MAN1A2: variants seen among roughly 807,000 people sequenced by gnomAD.
The protein encoded by MAN1A2 is mannosidase alpha class 1A member 2, also known as mannosyl-oligosaccharide 1,2-alpha-mannosidase IB.
MAN1A2 carries 26 observed loss-of-function variants against 75.7 expected under a neutral mutation model. That is an observed-to-expected ratio of 0.34 (90% CI 0.25 to 0.48). MAN1A2 has a LOEUF of 0.48. Among genes scored for constraint, MAN1A2 ranks in the 20% least tolerant of loss-of-function variants. MAN1A2 has a pLI of 0.99. For missense variants in MAN1A2, 562 were observed against 775.5 expected, an observed-to-expected ratio of 0.72 and a Z score of 3.27; for synonymous variants, 247 against 264.6, an observed-to-expected ratio of 0.93 and a Z score of 0.65.
At chr1:117,414,093 A>G (rs981163175) in intron 3 of MAN1A2, among the ~76,000 whole-genome samples, 2 of 151,746 alleles carry the variant, frequency 1.3e-5, no homozygotes, top group Non-Finnish European at 2.9e-5. Flanking sequence ...CTTTCTTAAA[A>G]GTGGATACAT....
intron 8 of MAN1A2, among the ~76,000 whole-genome samples, chr1:117,478,624 T>G (rs919950144): frequency 6.6e-6 from 1 of 152,000 alleles, no homozygotes; most frequent in Non-Finnish European, 1.5e-5. Context: ...TTATTTTTTT[T>G]ACATATAAAT....
Position 117,414,707 on chromosome 1 carries a change from A to G in MAN1A2, c.656-6A>G, listed in dbSNP as rs1207056763. ...TTAATGATAATTTTTTTCTTCCCAA[A>G]TATAGGAAGTTCACAAATGGGTGCT... On this transcript the variant is annotated splice_polypyrimidine_tract_variant and splice_region_variant and intron_variant, in intron 3 of 12. Transcript: ENST00000356554. 1 of 1,488,654 alleles carries G rather than the reference A, an allele frequency of 6.7e-7. No individual in the cohort carries two copies. The highest frequency in any genetic ancestry group is 9.4e-7 in the Non-Finnish European group (1 of 1,067,666). The allele number at this position is 1,488,654 out of a possible 1,614,324, so 92.2% of individuals were successfully genotyped here. A position where few individuals can be genotyped will look rare whatever the true frequency, so the allele number is the denominator to read the frequency against.
chr1:117,447,530 C>G (rs573911058), intron 6 of MAN1A2, among the ~76,000 whole-genome samples: 16 of 152,034 alleles, frequency 1.1e-4, no homozygotes, highest in Admixed American at 4.6e-4. Flanking sequence ...TTGATAGGTA[C>G]TGTCTTCTAG....
intron 6 of MAN1A2, among the ~76,000 whole-genome samples, chr1:117,456,685 A>T (rs1034454613): frequency 6.6e-6 from 1 of 152,026 alleles, no homozygotes; most frequent in South Asian, 2.1e-4. Context: ...TAAAATGTTT[A>T]AATATTTCAG....
At chr1:117,463,809 C>A (rs773992516) in intron 7 of MAN1A2, among the ~76,000 whole-genome samples, 1 of 151,212 alleles carries the variant, frequency 6.6e-6, no homozygotes, top group Non-Finnish European at 1.5e-5. Context: ...TAAAGTGATA[C>A]AAAAATATTG....
intron 1 of MAN1A2, among the ~76,000 whole-genome samples, chr1:117,376,434 AG>A (rs1653147641): frequency 6.6e-6 from 1 of 152,210 alleles, no homozygotes; most frequent in Non-Finnish European, 1.5e-5. Context: ...GGTCTGTGAA[AG>A]GTCTAATTAC....
chr1:117,498,519 A>T (rs1347669925), intron 10 of MAN1A2, among the ~76,000 whole-genome samples: 1 of 151,904 alleles, frequency 6.6e-6, no homozygotes, highest in African/African-American at 2.4e-5. Flanking sequence ...TCAGAAATTC[A>T]TAGTGTACCA....
rs1651929886 is a variant in MAN1A2 at position 117,523,624 on chromosome 1, C to T, written c.*667C>T. ...GTTTAATTTTCTCTGGGGGCATGAT[C>T]TCACAAAGAATACTCAAGTCTTTTT... On this transcript the variant is annotated 3_prime_UTR_variant, in exon 13 of 13. Coordinates refer to ENST00000356554, the MANE Select transcript of MAN1A2 (RefSeq NM_006699.5). 2 of 172,162 alleles carry T rather than the reference C, an allele frequency of 1.2e-5. No individual in the cohort carries two copies. Among genetic ancestry groups the T allele is most frequent in the South Asian group, 1.3e-4 (1 of 7,676 alleles). 10.7% of individuals were successfully genotyped at this position (172,162 alleles called of 1,614,324 possible). A position where few individuals can be genotyped will look rare whatever the true frequency, so the allele number is the denominator to read the frequency against.
chr1:117,451,952 C>T lies in MAN1A2; in HGVS notation c.951-8537C>T, dbSNP rs11580502. Among the ~76,000 whole-genome samples the T allele has an allele frequency of 5.8e-3, 888 of 152,156 alleles. 5 individuals carry two copies. The highest frequency in any genetic ancestry group is 0.01 in the Middle Eastern group (3 of 294). On this transcript the variant is annotated intron_variant, in intron 6 of 12. Transcript: ENST00000356554. ...GCAGCGAGCTGAAATTGTGCCACTG[C>T]ACTCCAGCCTGGGGGACAGAGCCAG...
chr1:117,510,044 C>T (rs1411867133), intron 12 of MAN1A2, among the ~76,000 whole-genome samples: 1 of 151,608 alleles, frequency 6.6e-6, no homozygotes, highest in Middle Eastern at 3.2e-3. Flanking sequence ...GAAAGGTTTC[C>T]ATATTGGCAT....
At chr1:117,385,946 C>G (rs1468552171) in intron 1 of MAN1A2, among the ~76,000 whole-genome samples, 1 of 152,190 alleles carries the variant, frequency 6.6e-6, no homozygotes, top group Non-Finnish European at 1.5e-5. Flanking sequence ...GATGTGTCTG[C>G]TTCCAGAGTG....
At chr1:117,378,733 A>G (rs1051875055) in intron 1 of MAN1A2, among the ~76,000 whole-genome samples, 1 of 152,166 alleles carries the variant, frequency 6.6e-6, no homozygotes, top group African/African-American at 2.4e-5. Flanking sequence ...TTAGAGTTTA[A>G]AACTCTTTTC....
intron 12 of MAN1A2, among the ~76,000 whole-genome samples, chr1:117,505,206 A>T (rs948138155): frequency 1.3e-5 from 2 of 151,384 alleles, no homozygotes; most frequent in African/African-American, 4.8e-5. Flanking sequence ...CTATCAATTA[A>T]TGCCTCTCTC....
chr1:117,493,129 T>C lies in MAN1A2; in HGVS notation c.1169-18T>C. 7.1e-7 allele frequency: 1 copy of C among 1,409,506 alleles called. No individual in the cohort carries two copies. Among genetic ancestry groups the C allele is most frequent in the Non-Finnish European group, 1.0e-6 (1 of 994,598 alleles). The allele number at this position is 1,409,506 out of a possible 1,614,324, so 87.3% of individuals were successfully genotyped here. On this transcript the variant is annotated intron_variant, in intron 8 of 12. Transcript: ENST00000356554. ...CCTTGCCTTTACCTCTATCCTTCTG[T>C]TTTCTCCTTTGTTACAGATCATACA...
chr1:117,466,228 G>GT, intron 7 of MAN1A2, 106 bp from the exon 8 acceptor site: 1 of 683,484 alleles, frequency 1.5e-6, no homozygotes, highest in Non-Finnish European at 2.4e-6. Flanking sequence ...CAAAGGCAGG[G>GT]AATAGGTGTA....
intron 1 of MAN1A2, among the ~76,000 whole-genome samples, chr1:117,399,946 G>C (rs1478723951): frequency 6.6e-6 from 1 of 152,150 alleles, no homozygotes; most frequent in Non-Finnish European, 1.5e-5. Flanking sequence ...GATGGATTAT[G>C]ATCTGTTCTC....
chr1:117,415,044 AGTT>A, intron 4 of MAN1A2, among the ~76,000 whole-genome samples: 1 of 152,128 alleles, frequency 6.6e-6, no homozygotes, highest in Admixed American at 6.6e-5. Flanking sequence ...TATATTTTAA[AGTT>A]GAGTAATTAG....
chr1:117,473,909 T>C (rs1197484776), intron 8 of MAN1A2, among the ~76,000 whole-genome samples: 2 of 151,960 alleles, frequency 1.3e-5, no homozygotes, highest in East Asian at 3.9e-4. Flanking sequence ...GTAGGGGACT[T>C]AAGACAAATA....
Position 117,521,767 on chromosome 1 carries a change from C to T in MAN1A2, c.1794-1058C>T, listed in dbSNP as rs117605151. Among the ~76,000 whole-genome samples, 150 of 151,962 alleles carry T rather than the reference C, an allele frequency of 9.9e-4. 2 individuals carry two copies. In the East Asian group the frequency reaches 0.025, roughly 25 times the overall value. ...ACAGTTCACCATTGCAACCCAAATG[C>T]GTGGAACCAACCCAAATGCCCATTA... On this transcript the variant is annotated intron_variant, in intron 12 of 12. Transcript: ENST00000356554.
Sources: gnomAD v4.1 joint callset for allele counts (sites outside exome capture counted in the v4.1 genomes callset) on GRCh38, gnomAD v4.1.1 for gene constraint, MANE v1.5 for transcripts, NCBI Gene and HGNC (gene_info 2026-07-23, HGNC 2026-07-21) for gene names.